NR2F1-AS1: variants seen among roughly 807,000 people sequenced by gnomAD.
The protein encoded by NR2F1-AS1 is NR2F1 regulatory antisense RNA 1.
intron 4 of NR2F1-AS1, among the ~76,000 whole-genome samples, chr5:93,448,146 T>C (rs1421625525): frequency 6.6e-6 from 1 of 152,056 alleles, no homozygotes; most frequent in Non-Finnish European, 1.5e-5. Context: ...CATGTATACC[T>C]ATGTAACAAG....
intron 2 of NR2F1-AS1, among the ~76,000 whole-genome samples, chr5:93,558,074 C>A (rs1580331871): frequency 6.6e-6 from 1 of 152,280 alleles, no homozygotes; most frequent in South Asian, 2.1e-4. Flanking sequence ...CTCCCTATTT[C>A]TACCACATCT....
intron 4 of NR2F1-AS1, among the ~76,000 whole-genome samples, chr5:93,450,541 C>A (rs186066941): frequency 6.6e-6 from 1 of 152,200 alleles, no homozygotes; most frequent in African/African-American, 2.4e-5. Context: ...ACTATAGGGC[C>A]AGATATAGCT....
chr5:93,503,602 C>T (rs888424079), intron 4 of NR2F1-AS1, among the ~76,000 whole-genome samples: 13 of 152,174 alleles, frequency 8.5e-5, no homozygotes, highest in African/African-American at 1.2e-4. Context: ...GTTTGTACAA[C>T]GTGGTTTAAA....
chr5:93,464,874 A>G (rs1750191685), intron 4 of NR2F1-AS1, among the ~76,000 whole-genome samples: 1 of 152,214 alleles, frequency 6.6e-6, no homozygotes, highest in African/African-American at 2.4e-5. Context: ...TGCTAGGAAA[A>G]GTCACCTATT....
chr5:93,508,851 T>C (rs1751239202), intron 4 of NR2F1-AS1, among the ~76,000 whole-genome samples: 1 of 152,286 alleles, frequency 6.6e-6, no homozygotes, highest in South Asian at 2.1e-4. Context: ...TTTCACATTA[T>C]ATTCTAATAA....
rs193013140 is a variant in NR2F1-AS1, at chr5:93,457,412, G to C, written n.639-61870C>G. Among the ~76,000 whole-genome samples the C allele has an allele frequency of 3.7e-4, 57 of 152,256 alleles. 1 individual carries two copies. In the South Asian group the frequency reaches 1.0e-2, roughly 27 times the overall value. On this transcript the variant is annotated intron_variant and non_coding_transcript_variant, in intron 4 of 5. Coordinates refer to ENST00000660523, the Ensembl canonical transcript of NR2F1-AS1. ...CCCTAAATCCACTAAACCTTGAGTC[G>C]TCACAGCACGTGTTTCTGCCAGCAC...
intron 4 of NR2F1-AS1, among the ~76,000 whole-genome samples, chr5:93,421,712 C>T (rs1265762950): frequency 6.6e-6 from 1 of 152,224 alleles, no homozygotes; most frequent in Non-Finnish European, 1.5e-5. Flanking sequence ...TCCCCCAGGG[C>T]CGCTCCATTG....
chr5:93,523,022 G>T (rs1011486970), intron 4 of NR2F1-AS1, among the ~76,000 whole-genome samples: 1 of 152,038 alleles, frequency 6.6e-6, no homozygotes, highest in Non-Finnish European at 1.5e-5. Flanking sequence ...CCTGGAAAGG[G>T]GGCTAAAGCC....
chr5:93,419,212 C>T (rs1175922748), intron 4 of NR2F1-AS1, among the ~76,000 whole-genome samples: 5 of 152,060 alleles, frequency 3.3e-5, no homozygotes, highest in African/African-American at 4.8e-5. Flanking sequence ...TGGCATGAAG[C>T]TATGTTCAGT....
At chr5:93,478,928 G>A (rs1275453679) in intron 4 of NR2F1-AS1, among the ~76,000 whole-genome samples, 2 of 152,180 alleles carry the variant, frequency 1.3e-5, no homozygotes, top group East Asian at 1.9e-4. Flanking sequence ...TGAACGTGGA[G>A]GAAAGTGATG....
intron 4 of NR2F1-AS1, among the ~76,000 whole-genome samples, chr5:93,442,953 A>G (rs1466344446): frequency 6.6e-6 from 1 of 152,218 alleles, no homozygotes; most frequent in Non-Finnish European, 1.5e-5. Context: ...CCTCCAGCAA[A>G]CTCCAACAGA....
intron 4 of NR2F1-AS1, among the ~76,000 whole-genome samples, chr5:93,433,647 A>G (rs1200943600): frequency 1.3e-5 from 2 of 152,192 alleles, no homozygotes; most frequent in South Asian, 2.1e-4. Flanking sequence ...ACTCAGTACA[A>G]GTGTTAAAGT....
At chr5:93,564,141 AAAAAAAAAAC>A (rs1752562978) in intron 1 of NR2F1-AS1, among the ~76,000 whole-genome samples, 1 of 127,088 alleles carries the variant, frequency 7.9e-6, no homozygotes, top group African/African-American at 3.5e-5. Flanking sequence ...AAAAAAAAAA[AAAAAAAAAAC>A]ACACAACTAC....
intron 4 of NR2F1-AS1, among the ~76,000 whole-genome samples, chr5:93,453,902 T>C (rs956276625): frequency 6.6e-6 from 1 of 152,094 alleles, no homozygotes; most frequent in Non-Finnish European, 1.5e-5. Context: ...GAAATATAAC[T>C]CTACACAAAA....
At chr5:93,573,575 A>G (rs1014486103) in intron 1 of NR2F1-AS1, among the ~76,000 whole-genome samples, 4 of 152,222 alleles carry the variant, frequency 2.6e-5, no homozygotes, top group Non-Finnish European at 5.9e-5. Context: ...TGGCCACAAT[A>G]AATTTAACCA....
chr5:93,530,522 C>G (rs1410754067), intron 4 of NR2F1-AS1, among the ~76,000 whole-genome samples: 2 of 152,266 alleles, frequency 1.3e-5, no homozygotes, highest in South Asian at 2.1e-4. Context: ...GTCTTTGCCT[C>G]TCATTGGAGG....
chr5:93,556,827 G>A (rs1752367439), intron 2 of NR2F1-AS1, among the ~76,000 whole-genome samples: 1 of 152,176 alleles, frequency 6.6e-6, no homozygotes, highest in Non-Finnish European at 1.5e-5. Context: ...CTCCAGAACT[G>A]AGAGACAATA....
chr5:93,415,712 C>T (rs752346834), intron 4 of NR2F1-AS1, among the ~76,000 whole-genome samples: 1 of 152,152 alleles, frequency 6.6e-6, no homozygotes. Context: ...TCTGTCCCTG[C>T]CTGTTATTAT....
At chr5:93,481,883 CA>C (rs1750607062) in intron 4 of NR2F1-AS1, among the ~76,000 whole-genome samples, 1 of 151,572 alleles carries the variant, frequency 6.6e-6, no homozygotes, top group Non-Finnish European at 1.5e-5. Context: ...CACAACATAC[CA>C]AAATGTATAG....
Sources: allele counts gnomAD v4.1 joint callset (sites outside exome capture counted in the v4.1 genomes callset), GRCh38; gene constraint gnomAD v4.1.1; transcripts MANE v1.5; gene names NCBI Gene and HGNC (gene_info 2026-07-23, HGNC 2026-07-21).